Variants in PCGF5 observed in about 807,000 individuals in gnomAD.
PCGF5 encodes polycomb group RING finger protein 5.
PCGF5 carries 9 observed loss-of-function variants against 44.3 expected under a neutral mutation model. The ratio of observed to expected loss-of-function variants is 0.20; its 90% CI spans 0.12 to 0.35. The LOEUF is 0.35. Among genes scored for constraint, PCGF5 ranks in the 10% least tolerant of loss-of-function variants. PCGF5 has a pLI of 1.00. For missense variants in PCGF5, 146 were observed against 305.3 expected (o/e 0.48, Z 3.89); for synonymous variants, 95 against 102.5 (o/e 0.93, Z 0.44).
At chr10:91,272,500 C>T (rs1323323900) in intron 9 of PCGF5, among the ~76,000 whole-genome samples, 5 of 152,024 alleles carry the variant, frequency 3.3e-5, no homozygotes, top group South Asian at 2.1e-4. Context: ...AGGCCAGACA[C>T]GGTGGCTCAC....
intron 2 of PCGF5, among the ~76,000 whole-genome samples, chr10:91,224,165 C>T (rs1434338280): frequency 2.0e-5 from 3 of 152,104 alleles, no homozygotes; most frequent in African/African-American, 7.2e-5. Flanking sequence ...ATGCTCAGGA[C>T]CCTGCCTGGG....
chr10:91,222,780 G>A lies in PCGF5; in HGVS notation c.-92G>A. The stretch of plus-strand genomic sequence containing the variant: ...TTCTCATGCCTCAGGACATCCTACT[G>A]GGAACGACACACCAGCTCCTGGGAT... On this transcript the variant is annotated 5_prime_UTR_variant, in exon 2 of 10. Coordinates refer to ENST00000336126, the MANE Select transcript of PCGF5 (RefSeq NM_032373.5). 1 of 684,672 alleles carries A rather than the reference G, an allele frequency of 1.5e-6. No homozygotes were observed. The allele number at this position is 684,672 out of a possible 1,614,324, so 42.4% of individuals were successfully genotyped here. A position where few individuals can be genotyped will look rare whatever the true frequency, so the allele number is the denominator to read the frequency against.
At chr10:91,169,767 C>T (rs1843570968) in intron 1 of PCGF5, among the ~76,000 whole-genome samples, 1 of 152,128 alleles carries the variant, frequency 6.6e-6, no homozygotes, top group South Asian at 2.1e-4. Flanking sequence ...TAGATATTGG[C>T]AAACTGACTC....
At chr10:91,191,857 G>C (rs909472488) in intron 1 of PCGF5, among the ~76,000 whole-genome samples, 2 of 152,126 alleles carry the variant, frequency 1.3e-5, no homozygotes, top group Non-Finnish European at 2.9e-5. Context: ...TTGAAGTAGA[G>C]AATCAGCTCA....
At chr10:91,167,463 G>A (rs985957220) in intron 1 of PCGF5, among the ~76,000 whole-genome samples, 1 of 152,164 alleles carries the variant, frequency 6.6e-6, no homozygotes, top group African/African-American at 2.4e-5. Flanking sequence ...CTTAATTAGG[G>A]AATTTTGAGC....
intron 1 of PCGF5, among the ~76,000 whole-genome samples, chr10:91,205,956 AG>A (rs1341882726): frequency 6.6e-6 from 1 of 152,142 alleles, no homozygotes; most frequent in Admixed American, 6.6e-5. Context: ...CGGGAGGCAC[AG>A]GTTTCAGTGA....
At chr10:91,164,156 A>G (rs1589343104) in intron 1 of PCGF5, among the ~76,000 whole-genome samples, 1 of 152,286 alleles carries the variant, frequency 6.6e-6, no homozygotes, top group East Asian at 1.9e-4. Context: ...ACCCAGGGAG[A>G]GTGGCCCCTC....
At chr10:91,162,271 C>T (rs1425906884), upstream of PCGF5, among the ~76,000 whole-genome samples, 1 of 119,878 alleles carries the variant, frequency 8.3e-6, no homozygotes, top group African/African-American at 3.3e-5. Flanking sequence ...GGATCTTCAG[C>T]ATCAGGGCGG....
chr10:91,252,166 T>C (rs1235069983), intron 6 of PCGF5, among the ~76,000 whole-genome samples: 2 of 152,042 alleles, frequency 1.3e-5, no homozygotes, highest in Non-Finnish European at 2.9e-5. Context: ...ACTTCAGCTG[T>C]TAGATTTTTG....
chr10:91,162,641 G>A (rs1201412151), upstream of PCGF5, among the ~76,000 whole-genome samples: 1 of 151,528 alleles, frequency 6.6e-6, no homozygotes, highest in East Asian at 2.0e-4. Flanking sequence ...CGGGGCAGCC[G>A]CCGCGGCTCG....
rs3074316 is a variant in PCGF5 at position 91,249,371 on chromosome 10, GTATATA to G, written c.325+691_325+696del. ...ACTGAGCAGATAAAAGGCTTTTAGT[GTATATA>G]TATATATATATATATATATATATAT... On this transcript the variant is annotated intron_variant, in intron 5 of 9. Transcript: ENST00000336126. 4.1e-3 allele frequency among the ~76,000 whole-genome samples: 493 copies of G among 120,400 alleles called. 1 individual carries two copies. Among genetic ancestry groups the G allele is most frequent in the Middle Eastern group, 8.8e-3 (2 of 226 alleles). The allele number at this position is 120,400 out of a possible 152,430, so 79.0% of individuals were successfully genotyped here. A position where few individuals can be genotyped will look rare whatever the true frequency, so the allele number is the denominator to read the frequency against.
At position 91,248,495 on chromosome 10, in the gene PCGF5, C is replaced by G. The variant is rs190430546; in HGVS notation, c.210-10C>G. 9.8e-5 allele frequency: 158 copies of G among 1,609,094 alleles called. 2 individuals are homozygous for G. The highest frequency in any genetic ancestry group is 2.0e-4 in the East Asian group (9 of 44,810). On this transcript the variant is annotated splice_polypyrimidine_tract_variant and intron_variant, in intron 3 of 9. Coordinates refer to ENST00000336126, the MANE Select transcript of PCGF5 (RefSeq NM_032373.5). ...CATTGTTAGTATTTTCTTTCTCCCC[C>G]CTTTCGAAGGTTGGACAATACATTA...
chr10:91,229,167 A>C (rs774676758), intron 2 of PCGF5, among the ~76,000 whole-genome samples: 9 of 152,224 alleles, frequency 5.9e-5, no homozygotes, highest in Non-Finnish European at 1.2e-4. Context: ...GTATTATTTA[A>C]GCATCAACAG....
chr10:91,201,824 G>A (rs1452728264), intron 1 of PCGF5, among the ~76,000 whole-genome samples: 1 of 149,060 alleles, frequency 6.7e-6, no homozygotes. Flanking sequence ...CTTTTAATCT[G>A]TTCTTGATGA....
At chr10:91,186,286 C>T (rs1843922124) in intron 1 of PCGF5, among the ~76,000 whole-genome samples, 2 of 152,174 alleles carry the variant, frequency 1.3e-5, no homozygotes, top group South Asian at 2.1e-4. Flanking sequence ...TCACCAGTAG[C>T]AGTATTGCCA....
chr10:91,161,101 G>A (rs1014479155), upstream of PCGF5, among the ~76,000 whole-genome samples: 2 of 152,202 alleles, frequency 1.3e-5, no homozygotes, highest in East Asian at 3.9e-4. Flanking sequence ...CGCAGTAGTT[G>A]CACTAACTTT....
At chr10:91,183,864 T>A (rs1209305360) in intron 1 of PCGF5, among the ~76,000 whole-genome samples, 4 of 152,224 alleles carry the variant, frequency 2.6e-5, no homozygotes, top group Non-Finnish European at 5.9e-5. Context: ...GAATTTCTTT[T>A]CTTTAAGAAT....
At chr10:91,258,747 A>G (rs1845821938) in intron 6 of PCGF5, among the ~76,000 whole-genome samples, 1 of 152,092 alleles carries the variant, frequency 6.6e-6, no homozygotes, top group African/African-American at 2.4e-5. Context: ...TGGGTAGAAT[A>G]TGTGTTGATT....
chr10:91,216,019 A>C (rs1343569903), upstream of PCGF5, among the ~76,000 whole-genome samples: 1 of 152,242 alleles, frequency 6.6e-6, no homozygotes, highest in Non-Finnish European at 1.5e-5. Flanking sequence ...GCTGCAAATT[A>C]TTCAGTTTTT....
Sources: gnomAD v4.1 joint callset for allele counts (sites outside exome capture counted in the v4.1 genomes callset) on GRCh38, gnomAD v4.1.1 for gene constraint, MANE v1.5 for transcripts, NCBI Gene and HGNC (gene_info 2026-07-23, HGNC 2026-07-21) for gene names.